Variants in SCARA3 observed in about 807,000 individuals in gnomAD.
SCARA3 encodes scavenger receptor class A member 3.
A neutral mutation model predicts 47.0 loss-of-function variants in SCARA3; 39 were observed. The observed-to-expected ratio is 0.83, with a 90% confidence interval of 0.64 to 1.08. The LOEUF (loss-of-function observed/expected upper bound fraction) is 1.08. Ranked by LOEUF, SCARA3 falls within the 50% of genes least tolerant of loss-of-function variation. SCARA3 has a pLI of 0.00. For synonymous variants in SCARA3, 356 were observed against 334.1 expected, an observed-to-expected ratio of 1.07 and a Z score of -0.71; for missense variants, 724 against 792.3, an observed-to-expected ratio of 0.91 and a Z score of 1.04.
chr8:27,683,073 TA>T, the SCARA3 span, among the ~76,000 whole-genome samples: 2 of 152,036 alleles, frequency 1.3e-5, no homozygotes, highest in Non-Finnish European at 2.9e-5. Context: ...GGAGAATGGA[TA>T]AACAAGTTGC....
chr8:27,708,286 G>A, the SCARA3 span, among the ~76,000 whole-genome samples: 1 of 152,092 alleles, frequency 6.6e-6, no homozygotes, highest in Non-Finnish European at 1.5e-5. Flanking sequence ...TTATGCAGGT[G>A]AAAATATGGG....
rs34956063 is a variant in SCARA3 at position 27,651,206 on chromosome 8, C to A, written c.107-302C>A. Among the ~76,000 whole-genome samples, 246 of 152,308 alleles carry A rather than the reference C, an allele frequency of 1.6e-3. 6 individuals carry two copies. The East Asian group carries it at 0.023, about 14-fold the overall frequency. On this transcript the variant is annotated intron_variant, in intron 2 of 5. Coordinates refer to ENST00000301904, the MANE Select transcript of SCARA3 (RefSeq NM_016240.3). Reference sequence around the variant, plus strand: ...CTCATCCTGTGGGTCCTCAGTAGGACCAATGGAGAGGGAAGAGGTGTTTCC... The same window carrying A: ...CTCATCCTGTGGGTCCTCAGTAGGAACAATGGAGAGGGAAGAGGTGTTTCC...
At chr8:27,689,590 G>T in the SCARA3 span, among the ~76,000 whole-genome samples, 1,145 of 152,296 alleles carry the variant, frequency 7.5e-3, 7 homozygotes, top group Middle Eastern at 0.024. Flanking sequence ...GTTGTGTTTG[G>T]ATGTGGGTGT....
chr8:27,633,506 A>C (rs899735210), upstream of SCARA3, among the ~76,000 whole-genome samples: 8 of 152,202 alleles, frequency 5.3e-5, no homozygotes, highest in African/African-American at 1.4e-4. Context: ...GGCGAGAAAA[A>C]CGTGCAGGGC....
intron 1 of SCARA3, among the ~76,000 whole-genome samples, chr8:27,646,322 G>T (rs1213747774): frequency 6.6e-6 from 1 of 152,224 alleles, no homozygotes; most frequent in African/African-American, 2.4e-5. Context: ...ATTTCCACTG[G>T]CTAACAGTTG....
intron 5 of SCARA3, among the ~76,000 whole-genome samples, chr8:27,664,873 A>G (rs990304274): frequency 2.0e-5 from 3 of 152,168 alleles, no homozygotes; most frequent in Admixed American, 2.0e-4. Context: ...ACGTCTGCAC[A>G]TTTGTTTAAA....
At chr8:27,677,064 G>C (rs17057539), downstream of SCARA3, among the ~76,000 whole-genome samples, 12,873 of 152,208 alleles carry the variant, frequency 0.085, 622 homozygotes, top group East Asian at 0.22. Flanking sequence ...TCCCTTCTTC[G>C]AGATGTAGAC....
the SCARA3 span, among the ~76,000 whole-genome samples, chr8:27,724,130 A>T: frequency 3.5e-3 from 527 of 152,334 alleles, 20 homozygotes; most frequent in East Asian, 0.086. Flanking sequence ...AAATTATAGA[A>T]ACCAAAGGGC....
chr8:27,705,281 C>A, the SCARA3 span, among the ~76,000 whole-genome samples: 1 of 152,234 alleles, frequency 6.6e-6, no homozygotes. Context: ...GGGCTGGGGT[C>A]TCTTGTGACA....
At chr8:27,684,885 T>C in the SCARA3 span, among the ~76,000 whole-genome samples, 1 of 150,874 alleles carries the variant, frequency 6.6e-6, no homozygotes, top group Admixed American at 6.7e-5. Flanking sequence ...CTGGGCAACA[T>C]AGTGAGACAC....
the SCARA3 span, among the ~76,000 whole-genome samples, chr8:27,688,843 G>A: frequency 6.6e-6 from 1 of 152,084 alleles, no homozygotes; most frequent in African/African-American, 2.4e-5. Context: ...GGCTTTTAGG[G>A]TTCTGACAAT....
intron 5 of SCARA3, among the ~76,000 whole-genome samples, chr8:27,668,125 G>A (rs1231686477): frequency 1.3e-5 from 2 of 152,218 alleles, no homozygotes; most frequent in African/African-American, 2.4e-5. Context: ...GAGCATGTGG[G>A]CGCTTGGGCC....
At chr8:27,709,203 A>T in the SCARA3 span, among the ~76,000 whole-genome samples, 1 of 152,252 alleles carries the variant, frequency 6.6e-6, no homozygotes, top group Non-Finnish European at 1.5e-5. Flanking sequence ...CCAAGTTAAA[A>T]GAAGATTTAG....
At chr8:27,702,564 C>A in the SCARA3 span, 1 of 152,240 alleles carries the variant, frequency 6.6e-6, no homozygotes, top group Non-Finnish European at 1.5e-5. Context: ...GGGAGTGACG[C>A]GTCCCTGGAC....
chr8:27,687,786 G>A, the SCARA3 span, among the ~76,000 whole-genome samples: 1 of 152,090 alleles, frequency 6.6e-6, no homozygotes, highest in Non-Finnish European at 1.5e-5. Context: ...GGAGGCCAAG[G>A]CAGGTGGATC....
At position 27,636,877 on chromosome 8, in the gene SCARA3, T is replaced by C. The variant is rs375689992; in HGVS notation, c.7+2670T>C. ...CAGGGCAGACAGCAAATAATTGGCTTCCGGGATCTGTGGGGTGTAAAGAAC... is the reference window on the plus strand; with the variant it reads ...CAGGGCAGACAGCAAATAATTGGCTCCCGGGATCTGTGGGGTGTAAAGAAC... On this transcript the variant is annotated intron_variant, in intron 1 of 5. Coordinates refer to ENST00000301904, the MANE Select transcript of SCARA3 (RefSeq NM_016240.3). 9.2e-5 allele frequency among the ~76,000 whole-genome samples: 14 copies of C among 152,274 alleles called. No individual in the cohort carries two copies. In the East Asian group the frequency reaches 2.1e-3, roughly 23 times the overall value.
downstream of SCARA3, among the ~76,000 whole-genome samples, chr8:27,680,582 T>G (rs1331901026): frequency 6.6e-6 from 1 of 152,152 alleles, no homozygotes; most frequent in Non-Finnish European, 1.5e-5. Flanking sequence ...AAACTCCAAG[T>G]CCAGTTGGTT....
chr8:27,665,442 A>G (rs1021219140), intron 5 of SCARA3, among the ~76,000 whole-genome samples: 1 of 152,230 alleles, frequency 6.6e-6, no homozygotes, highest in Non-Finnish European at 1.5e-5. Flanking sequence ...TCTGTGCTAG[A>G]CTGTGTCCAT....
At chr8:27,666,056 T>C (rs900026299) in intron 5 of SCARA3, among the ~76,000 whole-genome samples, 1 of 152,230 alleles carries the variant, frequency 6.6e-6, no homozygotes, top group Non-Finnish European at 1.5e-5. Flanking sequence ...TTCAGGAGTT[T>C]ACCTGTGAAG....
Sources: allele counts gnomAD v4.1 joint callset (sites outside exome capture counted in the v4.1 genomes callset), GRCh38; gene constraint gnomAD v4.1.1; transcripts MANE v1.5; gene names NCBI Gene and HGNC (gene_info 2026-07-23, HGNC 2026-07-21).